The following CDH12 variants were observed in gnomAD, a reference collection of about 807,000 sequenced individuals.
CDH12 encodes the protein cadherin 12, also known as cadherin-12.
In CDH12, 41 loss-of-function variants were observed where a neutral mutation model predicts 74.1. The ratio of observed to expected loss-of-function variants is 0.55; its 90% CI spans 0.43 to 0.72. The LOEUF is 0.72. CDH12 is among the 30% of genes least tolerant of loss of function. The pLI is 0.00. For synonymous variants in CDH12, 399 were observed against 355.0 expected, an observed-to-expected ratio of 1.12 and a Z score of -1.39; for missense variants, 945 against 977.2, an observed-to-expected ratio of 0.97 and a Z score of 0.44.
intron 10 of CDH12, among the ~76,000 whole-genome samples, chr5:21,789,092 G>C (rs1746351485): frequency 6.6e-6 from 1 of 151,832 alleles, no homozygotes; most frequent in Non-Finnish European, 1.5e-5. Context: ...TAACTCATCA[G>C]ATTCACATTC....
rs116230359 is a variant in CDH12, at chr5:21,907,585, C to G, written c.527-52795G>C. ...AAAGTAAAATATGATTAGTCTGTGT[C>G]TGGGAGTTCCTGTCCCAGCTCTACC... On this transcript the variant is annotated intron_variant, in intron 6 of 14. Coordinates refer to ENST00000382254, the MANE Select transcript of CDH12 (RefSeq NM_004061.5). Among the ~76,000 whole-genome samples, 1,215 of 152,278 alleles carry G rather than the reference C, an allele frequency of 8.0e-3. 21 individuals carry two copies. The highest frequency in any genetic ancestry group is 0.028 in the African/African-American group (1,149 of 41,554).
chr5:22,821,264 C>A (rs1749685146), intron 1 of CDH12, among the ~76,000 whole-genome samples: 2 of 152,032 alleles, frequency 1.3e-5, no homozygotes, highest in Admixed American at 1.3e-4. Context: ...TATGACAAAC[C>A]CACAGCCAAT....
At chr5:22,018,788 T>A (rs940946531) in intron 5 of CDH12, among the ~76,000 whole-genome samples, 2 of 152,086 alleles carry the variant, frequency 1.3e-5, no homozygotes, top group African/African-American at 4.8e-5. Flanking sequence ...TTCAGAAATG[T>A]TGGCCAGGCA....
In CDH12 at chr5:22,439,985, C is replaced by T. The variant is rs1050658956; in HGVS notation, c.-427-34634G>A. 2.6e-5 allele frequency among the ~76,000 whole-genome samples: 4 copies of T among 152,028 alleles called. No homozygotes were observed. The South Asian group carries it at 8.3e-4, about 32-fold the overall frequency. ...TTTCAACATTGAGACATCATCAAAA[C>T]AATAATTTTTACTATCCTCATTACT... is the stretch of plus-strand genomic sequence containing the variant. On this transcript the variant is annotated intron_variant, in intron 2 of 14. Coordinates refer to ENST00000382254, the MANE Select transcript of CDH12 (RefSeq NM_004061.5).
At chr5:22,534,896 T>C (rs2126709586) in intron 1 of CDH12, among the ~76,000 whole-genome samples, 1 of 149,886 alleles carries the variant, frequency 6.7e-6, no homozygotes, top group South Asian at 2.1e-4. Flanking sequence ...AATTTACTGT[T>C]ATATAATATT....
At chr5:22,644,520 T>TA (rs1215924908) in intron 1 of CDH12, among the ~76,000 whole-genome samples, 8 of 151,814 alleles carry the variant, frequency 5.3e-5, no homozygotes, top group Non-Finnish European at 1.2e-4. Context: ...GACAGATAAA[T>TA]AAAAATTTTT....
chr5:22,728,548 A>T (rs150114688), intron 1 of CDH12, among the ~76,000 whole-genome samples: 1 of 152,018 alleles, frequency 6.6e-6, no homozygotes, highest in East Asian at 1.9e-4. Context: ...AAGGAAAAAA[A>T]TTCTGTTTGC....
intron 5 of CDH12, among the ~76,000 whole-genome samples, chr5:22,029,076 T>C (rs1019670188): frequency 2.6e-5 from 4 of 152,204 alleles, no homozygotes; most frequent in African/African-American, 9.6e-5. Flanking sequence ...AAGCTGAAAC[T>C]GGATCCCTTC....
chr5:22,191,588 G>T (rs1376906339), intron 4 of CDH12, among the ~76,000 whole-genome samples: 1 of 102,792 alleles, frequency 9.7e-6, no homozygotes, highest in African/African-American at 3.9e-5. Flanking sequence ...TTTTTGAGAC[G>T]GAGTCTCGCT....
intron 3 of CDH12, among the ~76,000 whole-genome samples, chr5:22,309,760 C>T (rs1300944779): frequency 2.0e-5 from 3 of 151,874 alleles, no homozygotes; most frequent in African/African-American, 7.3e-5. Context: ...CCAGGGAAGT[C>T]TCATTCCAAA....
chr5:22,331,503 T>C (rs1053337358), intron 3 of CDH12, among the ~76,000 whole-genome samples: 2 of 152,160 alleles, frequency 1.3e-5, no homozygotes, highest in Non-Finnish European at 2.9e-5. Context: ...AAAAACCACA[T>C]CATTATTGGA....
chr5:21,858,067 A>C (rs374134936), intron 6 of CDH12, among the ~76,000 whole-genome samples: 12 of 151,082 alleles, frequency 7.9e-5, no homozygotes, highest in African/African-American at 2.9e-4. Context: ...ATTAGGACCC[A>C]CCCTTAGGAC....
chr5:21,778,057 G>A (rs1171158807), intron 11 of CDH12, among the ~76,000 whole-genome samples: 1 of 152,068 alleles, frequency 6.6e-6, no homozygotes, highest in Non-Finnish European at 1.5e-5. Context: ...TAACTCAAAT[G>A]TTTTCATTAC....
At chr5:22,402,259 C>T (rs189312448) in intron 3 of CDH12, among the ~76,000 whole-genome samples, 23 of 152,272 alleles carry the variant, frequency 1.5e-4, no homozygotes, top group African/African-American at 5.5e-4. Context: ...TTGTGATGAG[C>T]CTCAGAAGGA....
chr5:21,917,839 CTT>C (rs2150069305), intron 6 of CDH12, among the ~76,000 whole-genome samples: 1 of 152,274 alleles, frequency 6.6e-6, no homozygotes, highest in African/African-American at 2.4e-5. Context: ...GTAGAATACT[CTT>C]GATTATTTCC....
intron 6 of CDH12, among the ~76,000 whole-genome samples, chr5:21,932,798 G>A (rs939470847): frequency 1.3e-5 from 2 of 150,414 alleles, no homozygotes; most frequent in Admixed American, 6.7e-5. Context: ...TGGTGACAGA[G>A]CAAGACTCCA....
chr5:22,238,507 A>G (rs1334057927), intron 3 of CDH12, among the ~76,000 whole-genome samples: 2 of 152,218 alleles, frequency 1.3e-5, no homozygotes, highest in Non-Finnish European at 2.9e-5. Context: ...TGTAATCTAA[A>G]GCAAGTAAAG....
intron 1 of CDH12, among the ~76,000 whole-genome samples, chr5:22,594,301 T>C (rs1225113577): frequency 6.6e-6 from 1 of 152,198 alleles, no homozygotes; most frequent in Non-Finnish European, 1.5e-5. Flanking sequence ...GTGATGGGTA[T>C]GGCTCACATT....
chr5:22,168,036 T>C (rs1340847638), intron 4 of CDH12, among the ~76,000 whole-genome samples: 1 of 152,068 alleles, frequency 6.6e-6, no homozygotes, highest in African/African-American at 2.4e-5. Flanking sequence ...ATAAGAGAAT[T>C]TTCATGGCAC....
Sources: allele counts gnomAD v4.1 joint callset (sites outside exome capture counted in the v4.1 genomes callset), GRCh38; gene constraint gnomAD v4.1.1; transcripts MANE v1.5; gene names NCBI Gene and HGNC (gene_info 2026-07-23, HGNC 2026-07-21).